PAPPA2: variants seen among roughly 807,000 people sequenced by gnomAD.
PAPPA2 encodes pappalysin 2.
In PAPPA2, 86 loss-of-function variants were observed where a neutral mutation model predicts 176.4. The observed-to-expected ratio is 0.49, with a 90% confidence interval of 0.41 to 0.58. The LOEUF (loss-of-function observed/expected upper bound fraction) is 0.58, where lower values mean the gene tolerates loss of function less well. Among genes scored for constraint, PAPPA2 ranks in the 20% least tolerant of loss-of-function variants. The pLI, the probability that PAPPA2 is intolerant of heterozygous loss-of-function variation, is 0.00. For missense variants in PAPPA2, 2,073 were observed against 2,256.9 expected (o/e 0.92, Z 1.65); for synonymous variants, 809 against 852.2 (o/e 0.95, Z 0.88).
At chr1:176,778,190 T>A (rs979842548) in intron 17 of PAPPA2, among the ~76,000 whole-genome samples, 3 of 151,154 alleles carry the variant, frequency 2.0e-5, no homozygotes, top group Admixed American at 1.3e-4. Flanking sequence ...TTTATTAAAT[T>A]AAAAAAAAAT....
chr1:176,791,632 C>T, intron 19 of PAPPA2, 150 bp downstream of exon 19: 1 of 875,926 alleles, frequency 1.1e-6, no homozygotes, highest in Non-Finnish European at 1.7e-6. Context: ...CAGCTCACTG[C>T]AACCTCCATT....
intron 3 of PAPPA2, among the ~76,000 whole-genome samples, chr1:176,610,201 G>T (rs538664208): frequency 2.6e-5 from 4 of 151,788 alleles, no homozygotes; most frequent in Admixed American, 2.6e-4. Context: ...GAATGGCTAT[G>T]TCTCCTATTC....
chr1:176,702,328 T>C (rs1660686749), intron 8 of PAPPA2, among the ~76,000 whole-genome samples: 1 of 152,230 alleles, frequency 6.6e-6, no homozygotes, highest in Admixed American at 6.5e-5. Flanking sequence ...ACCATCTTCC[T>C]AGATTAACTG....
intron 17 of PAPPA2, among the ~76,000 whole-genome samples, chr1:176,787,551 A>G (rs893092480): frequency 1.3e-5 from 2 of 152,126 alleles, no homozygotes; most frequent in Non-Finnish European, 2.9e-5. Context: ...TTAGATTTCT[A>G]TTGCAAAATG....
chr1:176,479,192 C>T (rs972746803), intron 1 of PAPPA2, among the ~76,000 whole-genome samples: 11 of 152,248 alleles, frequency 7.2e-5, no homozygotes, highest in African/African-American at 2.4e-4. Context: ...AAATAATTTT[C>T]CCAAGGCCAC....
intron 3 of PAPPA2, among the ~76,000 whole-genome samples, chr1:176,667,933 G>A (rs954194730): frequency 2.6e-5 from 4 of 152,086 alleles, no homozygotes; most frequent in Non-Finnish European, 4.4e-5. Context: ...TGAAGTTTGC[G>A]TGTACATTTA....
intron 1 of PAPPA2, among the ~76,000 whole-genome samples, chr1:176,477,125 T>C (rs2102473025): frequency 6.6e-6 from 1 of 152,316 alleles, no homozygotes; most frequent in South Asian, 2.1e-4. Flanking sequence ...CAGTTCTGCA[T>C]GAAAAAGACA....
chr1:176,510,570 G>C (rs1456456029), intron 1 of PAPPA2, among the ~76,000 whole-genome samples: 1 of 151,764 alleles, frequency 6.6e-6, no homozygotes, highest in Non-Finnish European at 1.5e-5. Context: ...CAGACATAAA[G>C]AACCCTACAA....
Position 176,553,182 on chromosome 1 carries a change from C to T in PAPPA2, c.-916-2225C>T, listed in dbSNP as rs537313409. On this transcript the variant is annotated intron_variant, in intron 1 of 22. Transcript: ENST00000367662. ...ATTATTTGAATCCAGCCCACCTTTC[C>T]GCACATGTCAAACAGATGGGATCAT... Among the ~76,000 whole-genome samples, 22 of 149,872 alleles carry T rather than the reference C, an allele frequency of 1.5e-4. 1 individual carries two copies. The East Asian group carries it at 2.2e-3, about 15-fold the overall frequency.
In PAPPA2 at chr1:176,494,608, C is replaced by T. The variant is rs933755283; in HGVS notation, c.-917+31190C>T. On this transcript the variant is annotated intron_variant, in intron 1 of 22. Coordinates refer to ENST00000367662, the MANE Select transcript of PAPPA2 (RefSeq NM_020318.3). ...CTTACTGACGTCAATGCAAGCTGTG[C>T]ATGCATAACTGAGGGCAGATTTTGG... 1.3e-5 allele frequency among the ~76,000 whole-genome samples: 2 copies of T among 152,130 alleles called. 1 individual carries two copies. Among genetic ancestry groups the T allele is most frequent in the East Asian group, 3.9e-4 (2 of 5,190 alleles).
chr1:176,735,533 T>C (rs1349859858), intron 12 of PAPPA2, among the ~76,000 whole-genome samples: 1 of 152,098 alleles, frequency 6.6e-6, no homozygotes, highest in Non-Finnish European at 1.5e-5. Context: ...GGGGGATTTC[T>C]TAAGCCCAAA....
chr1:176,594,516 T>C lies in PAPPA2; in HGVS notation c.920-8T>C. On this transcript the variant is annotated splice_region_variant and splice_polypyrimidine_tract_variant and intron_variant, in intron 2 of 22. Coordinates refer to ENST00000367662, the MANE Select transcript of PAPPA2 (RefSeq NM_020318.3). ...TGTCTCTTCCCTCGATTCTTCCTTCTTTCCCAGGTGTGTTTGATAACTGCT... is the reference window on the plus strand; with the variant it reads ...TGTCTCTTCCCTCGATTCTTCCTTCCTTCCCAGGTGTGTTTGATAACTGCT... 2 of 1,606,542 alleles carry C rather than the reference T, an allele frequency of 1.2e-6. No homozygotes were observed. Among genetic ancestry groups the C allele is most frequent in the Non-Finnish European group, 1.7e-6 (2 of 1,174,566 alleles).
At chr1:176,692,460 C>A in intron 6 of PAPPA2, 142 bp downstream of exon 6, 1 of 832,786 alleles carries the variant, frequency 1.2e-6, no homozygotes, top group Non-Finnish European at 1.8e-6. Flanking sequence ...CTGCTCCAGC[C>A]TGCTCTGTTC....
At chr1:176,706,935 T>C (rs541960722) in intron 10 of PAPPA2, among the ~76,000 whole-genome samples, 4 of 152,278 alleles carry the variant, frequency 2.6e-5, no homozygotes, top group Non-Finnish European at 4.4e-5. Context: ...GATTCAATCA[T>C]GAAGAATAAA....
At chr1:176,645,960 G>T (rs555561956) in intron 3 of PAPPA2, among the ~76,000 whole-genome samples, 1 of 151,444 alleles carries the variant, frequency 6.6e-6, no homozygotes, top group Non-Finnish European at 1.5e-5. Context: ...TACTATTGAG[G>T]TTTTTTAGTT....
At chr1:176,591,085 GCACACA>G (rs66535582) in intron 2 of PAPPA2, among the ~76,000 whole-genome samples, 41,444 of 142,176 alleles carry the variant, frequency 0.29, 5,892 homozygotes, top group South Asian at 0.38. Context: ...TCACACACAT[GCACACA>G]CACACACACA....
intron 4 of PAPPA2, among the ~76,000 whole-genome samples, chr1:176,681,107 G>A (rs989980458): frequency 6.6e-6 from 1 of 151,878 alleles, no homozygotes. Context: ...GTATCAGGGG[G>A]TGTATTGGAA....
At chr1:176,786,905 C>T (rs1281927904) in intron 17 of PAPPA2, among the ~76,000 whole-genome samples, 4 of 152,200 alleles carry the variant, frequency 2.6e-5, no homozygotes, top group East Asian at 1.9e-4. Context: ...AAGGGAACAA[C>T]AGACAGTGGG....
At chr1:176,731,253 T>A (rs1387153073) in intron 12 of PAPPA2, among the ~76,000 whole-genome samples, 2 of 152,066 alleles carry the variant, frequency 1.3e-5, no homozygotes, top group African/African-American at 4.8e-5. Flanking sequence ...CATTTTTTAT[T>A]TTCTTATAAC....
Sources: allele counts gnomAD v4.1 joint callset (sites outside exome capture counted in the v4.1 genomes callset), GRCh38; gene constraint gnomAD v4.1.1; transcripts MANE v1.5; gene names NCBI Gene and HGNC (gene_info 2026-07-23, HGNC 2026-07-21).